Variants in KCNMA1 observed in about 807,000 individuals in gnomAD.
KCNMA1 encodes the protein Calcium-activated potassium channel subunit alpha-1.
In KCNMA1, 29 loss-of-function variants were observed where a neutral mutation model predicts 140.0. The observed-to-expected ratio is 0.21, with a 90% confidence interval of 0.15 to 0.28. KCNMA1 has a LOEUF of 0.28. Ranked by LOEUF, KCNMA1 falls within the 10% of genes least tolerant of loss-of-function variation. The pLI, the probability that KCNMA1 is intolerant of heterozygous loss-of-function variation, is 1.00. For synonymous variants in KCNMA1, 612 were observed against 611.9 expected, an observed-to-expected ratio of 1.00 and a Z score of 0.00; for missense variants, 880 against 1,602.2, an observed-to-expected ratio of 0.55 and a Z score of 7.70.
intron 20 of KCNMA1, among the ~76,000 whole-genome samples, chr10:76,964,464 T>C (rs2073062098): frequency 6.6e-6 from 1 of 152,150 alleles, no homozygotes; most frequent in African/African-American, 2.4e-5. Flanking sequence ...GAGCATGAAC[T>C]TGTCCAGGGA....
intron 1 of KCNMA1, among the ~76,000 whole-genome samples, chr10:77,495,160 C>A (rs563219610): frequency 6.6e-6 from 1 of 152,310 alleles, no homozygotes; most frequent in East Asian, 1.9e-4. Context: ...GGAAAAACAG[C>A]TTTTTAAAAA....
intron 2 of KCNMA1, among the ~76,000 whole-genome samples, chr10:77,314,694 C>T (rs2080269361): frequency 6.6e-6 from 1 of 152,112 alleles, no homozygotes. Context: ...TGGGTGATGG[C>T]TGAGGTGAAC....
At chr10:77,477,765 G>A (rs775803143) in intron 1 of KCNMA1, among the ~76,000 whole-genome samples, 2 of 152,166 alleles carry the variant, frequency 1.3e-5, no homozygotes, top group Admixed American at 6.6e-5. Flanking sequence ...CCCTGAACAC[G>A]ATTCCTTCTG....
At chr10:76,916,960 T>C (rs774510104) in intron 23 of KCNMA1, among the ~76,000 whole-genome samples, 1 of 152,228 alleles carries the variant, frequency 6.6e-6, no homozygotes, top group Admixed American at 6.5e-5. Context: ...CTTAAATTGA[T>C]TCTTTACATT....
chr10:77,502,430 C>G (rs1055788539), intron 1 of KCNMA1, among the ~76,000 whole-genome samples: 1 of 152,308 alleles, frequency 6.6e-6, no homozygotes, highest in East Asian at 1.9e-4. Flanking sequence ...CCCGAATGCT[C>G]TCATGTTTCA....
chr10:77,169,316 A>G (rs75025145), intron 5 of KCNMA1, among the ~76,000 whole-genome samples: 6,063 of 152,168 alleles, frequency 0.04, 356 homozygotes, highest in African/African-American at 0.13. Flanking sequence ...GCTGGAGAAG[A>G]AGGCTAGGTG....
chr10:77,103,364 C>T (rs1223171993), intron 9 of KCNMA1, among the ~76,000 whole-genome samples: 1 of 152,188 alleles, frequency 6.6e-6, no homozygotes, highest in African/African-American at 2.4e-5. Flanking sequence ...GAAACAAACA[C>T]ACAGAATGCA....
At chr10:77,471,324 C>G (rs1257043814) in intron 1 of KCNMA1, among the ~76,000 whole-genome samples, 1 of 151,214 alleles carries the variant, frequency 6.6e-6, no homozygotes, top group East Asian at 1.9e-4. Context: ...ACACCACACA[C>G]AACTCACACT....
At chr10:76,899,774 A>G (rs1308645550) in intron 25 of KCNMA1, among the ~76,000 whole-genome samples, 1 of 152,172 alleles carries the variant, frequency 6.6e-6, no homozygotes, top group Non-Finnish European at 1.5e-5. Context: ...TTTTTCAACA[A>G]TATGGTAATG....
intron 5 of KCNMA1, among the ~76,000 whole-genome samples, chr10:77,125,977 C>G (rs1596492564): frequency 6.6e-6 from 1 of 152,116 alleles, no homozygotes; most frequent in Non-Finnish European, 1.5e-5. Context: ...CAGGGAAAAG[C>G]CTTAACGAAT....
chr10:77,304,797 G>A (rs2077294401), intron 2 of KCNMA1, among the ~76,000 whole-genome samples: 1 of 152,176 alleles, frequency 6.6e-6, no homozygotes, highest in South Asian at 2.1e-4. Flanking sequence ...CTGCTCTTCT[G>A]GTTGCCCAGA....
intron 5 of KCNMA1, among the ~76,000 whole-genome samples, chr10:77,166,443 AT>A (rs2098643245): frequency 1.3e-5 from 2 of 152,092 alleles, no homozygotes; most frequent in Non-Finnish European, 2.9e-5. Context: ...CCAAGATGAA[AT>A]TTCCTCCAAA....
At chr10:77,048,980 G>A (rs1319913352) in intron 14 of KCNMA1, among the ~76,000 whole-genome samples, 1 of 152,038 alleles carries the variant, frequency 6.6e-6, no homozygotes, top group African/African-American at 2.4e-5. Flanking sequence ...TAGCCAAGAT[G>A]GTCTCGATCT....
chr10:76,939,999 T>C (rs1040798318), intron 23 of KCNMA1, among the ~76,000 whole-genome samples: 12 of 152,374 alleles, frequency 7.9e-5, no homozygotes, highest in African/African-American at 2.9e-4. Flanking sequence ...ACAGGCACTC[T>C]GTAAATAAAG....
At position 76,966,511 on chromosome 10, in the gene KCNMA1, G is replaced by C. The variant is rs982436980; in HGVS notation, c.2360+3463C>G. 3.9e-5 allele frequency among the ~76,000 whole-genome samples: 6 copies of C among 152,070 alleles called. No homozygotes were observed. The East Asian group carries it at 5.8e-4, about 15-fold the overall frequency. ...AGAGAGTTTTCATTGAAGGTTCATAGGGTTGGTAAGGCCCCCAAATTAAGA... is the reference window on the plus strand; with the variant it reads ...AGAGAGTTTTCATTGAAGGTTCATACGGTTGGTAAGGCCCCCAAATTAAGA... On this transcript the variant is annotated intron_variant, in intron 20 of 27. Transcript: ENST00000286628.
At chr10:77,407,803 C>T (rs969631676) in intron 1 of KCNMA1, among the ~76,000 whole-genome samples, 8 of 152,182 alleles carry the variant, frequency 5.3e-5, no homozygotes, top group African/African-American at 1.7e-4. Context: ...CCTGATGAAG[C>T]ACCCGCTGAT....
chr10:77,597,745 A>G (rs2081349533), intron 1 of KCNMA1, among the ~76,000 whole-genome samples: 2 of 152,092 alleles, frequency 1.3e-5, no homozygotes, highest in Admixed American at 1.3e-4. Context: ...ATCCTGCCCC[A>G]GGGCCTTTGC....
chr10:77,505,926 G>A (rs2154546505), intron 1 of KCNMA1, among the ~76,000 whole-genome samples: 1 of 152,242 alleles, frequency 6.6e-6, no homozygotes, highest in East Asian at 1.9e-4. Context: ...AGCAGCAATG[G>A]AAGCCTGAAC....
chr10:77,549,000 G>A (rs183750800), intron 1 of KCNMA1, among the ~76,000 whole-genome samples: 4 of 152,194 alleles, frequency 2.6e-5, no homozygotes, highest in African/African-American at 9.7e-5. Context: ...AGTCGTGGAT[G>A]GTGATGCTAT....
Sources: allele counts gnomAD v4.1 joint callset (sites outside exome capture counted in the v4.1 genomes callset), GRCh38; gene constraint gnomAD v4.1.1; transcripts MANE v1.5; gene names NCBI Gene and HGNC (gene_info 2026-07-23, HGNC 2026-07-21).